Variants in XKR4 observed in about 807,000 individuals in gnomAD.
XKR4 encodes the protein XK-related protein 4.
Under a neutral mutation model 53.9 loss-of-function variants are expected in XKR4, and 12 were observed. The ratio of observed to expected loss-of-function variants is 0.22; its 90% CI spans 0.14 to 0.36. The LOEUF is 0.36. Among genes scored for constraint, XKR4 ranks in the 10% least tolerant of loss-of-function variants. XKR4 has a pLI of 1.00. For missense variants in XKR4, 799 were observed against 859.5 expected (o/e 0.93, Z 0.88); for synonymous variants, 354 against 362.4 (o/e 0.98, Z 0.26).
intron 1 of XKR4, among the ~76,000 whole-genome samples, chr8:55,131,436 T>A (rs1296904626): frequency 6.6e-6 from 1 of 152,240 alleles, no homozygotes; most frequent in Non-Finnish European, 1.5e-5. Context: ...ATGATTACTT[T>A]GTTACACAGT....
At position 55,538,424 on chromosome 8, in the gene XKR4, A is replaced by G. The variant is rs1807059791; in HGVS notation, c.*14197A>G. 6.6e-6 allele frequency: 1 copy of G among 152,248 alleles called. No homozygotes were observed. The highest frequency in any genetic ancestry group is 2.1e-4 in the South Asian group (1 of 4,830). 9.4% of individuals were successfully genotyped at this position (152,248 alleles called of 1,614,324 possible). A position where few individuals can be genotyped will look rare whatever the true frequency, so the allele number is the denominator to read the frequency against. On this transcript the variant is annotated 3_prime_UTR_variant, in exon 3 of 3. Transcript: ENST00000327381. ...GCACGGAGGAAGTGGAGTCTGAGGAATACAACAGCAACAACTCACCAAGCA... is the reference window on the plus strand; with the variant it reads ...GCACGGAGGAAGTGGAGTCTGAGGAGTACAACAGCAACAACTCACCAAGCA...
intron 1 of XKR4, among the ~76,000 whole-genome samples, chr8:55,203,667 G>C (rs1232956842): frequency 6.6e-6 from 1 of 152,116 alleles, no homozygotes; most frequent in African/African-American, 2.4e-5. Context: ...CCACGTCCAG[G>C]CCATACTCAG....
intron 1 of XKR4, among the ~76,000 whole-genome samples, chr8:55,207,077 A>T (rs544738076): frequency 2.0e-4 from 30 of 152,350 alleles, no homozygotes; most frequent in African/African-American, 6.0e-4. Context: ...CAAATTCCCA[A>T]ACTGAAAGCA....
rs185151486 is a variant in XKR4, at chr8:55,301,052, T to A, written c.807-56626T>A. On this transcript the variant is annotated intron_variant, in intron 1 of 2. Coordinates refer to ENST00000327381, the MANE Select transcript of XKR4 (RefSeq NM_052898.2). ...GGTACATGTGCACAATGTGCAGGTT[T>A]GTTACATATGTATACATGTACCATG... Among the ~76,000 whole-genome samples, 229 of 152,154 alleles carry A rather than the reference T, an allele frequency of 1.5e-3. 3 individuals carry two copies. Among genetic ancestry groups the A allele is most frequent in the African/African-American group, 4.9e-3 (205 of 41,512 alleles).
intron 2 of XKR4, among the ~76,000 whole-genome samples, chr8:55,497,028 G>C (rs1049624500): frequency 6.6e-6 from 1 of 152,148 alleles, no homozygotes; most frequent in African/African-American, 2.4e-5. Context: ...TCAATGTCCG[G>C]TAAATACATC....
intron 2 of XKR4, among the ~76,000 whole-genome samples, chr8:55,495,530 G>A (rs1181670433): frequency 3.3e-5 from 5 of 152,166 alleles, no homozygotes; most frequent in Admixed American, 6.5e-5. Flanking sequence ...ACATTGGCAC[G>A]CAGCTCAGCC....
At chr8:55,377,040 T>A (rs1206571402) in intron 2 of XKR4, among the ~76,000 whole-genome samples, 1 of 152,014 alleles carries the variant, frequency 6.6e-6, no homozygotes, top group Non-Finnish European at 1.5e-5. Flanking sequence ...TTTCTCAAGC[T>A]GTAACACAAT....
chr8:55,523,182 T>G, intron 2 of XKR4, 99 bp from the exon 3 acceptor site: 2 of 1,063,938 alleles, frequency 1.9e-6, no homozygotes, highest in South Asian at 3.4e-5. Context: ...TTTGCTGAGG[T>G]CAAAGCCAGC....
chr8:55,109,383 G>A (rs774245375), intron 1 of XKR4, among the ~76,000 whole-genome samples: 10 of 152,180 alleles, frequency 6.6e-5, no homozygotes, highest in African/African-American at 2.2e-4. Flanking sequence ...ATGAATTTTC[G>A]TGCAACACTA....
At chr8:55,398,570 C>T (rs1202326358) in intron 2 of XKR4, among the ~76,000 whole-genome samples, 1 of 152,158 alleles carries the variant, frequency 6.6e-6, no homozygotes, top group African/African-American at 2.4e-5. Flanking sequence ...GCGTGTTCAT[C>T]TTTGCTTGGG....
chr8:55,289,790 A>T (rs1053209033), intron 1 of XKR4, among the ~76,000 whole-genome samples: 4 of 146,848 alleles, frequency 2.7e-5, no homozygotes, highest in African/African-American at 1.0e-4. Flanking sequence ...AGGGAGGGGG[A>T]GAGAGAGAGA....
intron 2 of XKR4, among the ~76,000 whole-genome samples, chr8:55,446,400 G>T (rs1054713102): frequency 3.3e-5 from 5 of 152,080 alleles, no homozygotes; most frequent in Admixed American, 6.6e-5. Context: ...AAATTGCAGT[G>T]GTGCAATCTC....
intron 1 of XKR4, among the ~76,000 whole-genome samples, chr8:55,190,066 C>T (rs1026901492): frequency 2.0e-5 from 3 of 152,204 alleles, no homozygotes; most frequent in Non-Finnish European, 4.4e-5. Context: ...CCACCTGAAA[C>T]ATTGGCTTTA....
intron 1 of XKR4, among the ~76,000 whole-genome samples, chr8:55,192,326 T>C (rs1393252684): frequency 6.6e-6 from 1 of 151,454 alleles, no homozygotes; most frequent in African/African-American, 2.4e-5. Flanking sequence ...AGAAGGGATA[T>C]TTTCCCCCTC....
Position 55,533,428 on chromosome 8 carries a change from C to A in XKR4, c.*9201C>A, listed in dbSNP as rs1246219413. 6.6e-6 allele frequency: 1 copy of A among 152,164 alleles called. No individual in the cohort carries two copies. Among genetic ancestry groups the A allele is most frequent in the Non-Finnish European group, 1.5e-5 (1 of 68,040 alleles). 9.4% of individuals were successfully genotyped at this position (152,164 alleles called of 1,614,324 possible). A position where few individuals can be genotyped will look rare whatever the true frequency, so the allele number is the denominator to read the frequency against. On this transcript the variant is annotated 3_prime_UTR_variant, in exon 3 of 3. Coordinates refer to ENST00000327381, the MANE Select transcript of XKR4 (RefSeq NM_052898.2). The stretch of plus-strand genomic sequence containing the variant: ...ACTTCCCTTATTAACCTTTCTAATG[C>A]ATTGTACATAAAAGAGGAAATGGAT...
chr8:55,185,291 T>C (rs1282303141), intron 1 of XKR4, among the ~76,000 whole-genome samples: 1 of 152,256 alleles, frequency 6.6e-6, no homozygotes, highest in Non-Finnish European at 1.5e-5. Flanking sequence ...TATGTTTCAG[T>C]TGAGAAATCC....
intron 2 of XKR4, among the ~76,000 whole-genome samples, chr8:55,509,282 A>G (rs933420775): frequency 6.6e-6 from 1 of 152,170 alleles, no homozygotes; most frequent in Non-Finnish European, 1.5e-5. Context: ...TTGCTTTAAG[A>G]GGTTGATTTG....
chr8:55,141,671 C>CTCTCTCTCTCTCTCTCTGTG (rs748708972), intron 1 of XKR4, among the ~76,000 whole-genome samples: 19 of 135,294 alleles, frequency 1.4e-4, no homozygotes, highest in East Asian at 8.9e-4. Flanking sequence ...CTCTCTCTCT[C>CTCTCTCTCTCTCTCTCTGTG]TGTGTGTGTG....
rs1816046845 is a variant in XKR4 at position 55,102,082 on chromosome 8, G to T, written c.-407G>T. On this transcript the variant is annotated 5_prime_UTR_variant, in exon 1 of 3. Coordinates refer to ENST00000327381, the MANE Select transcript of XKR4 (RefSeq NM_052898.2). The surrounding 1 kb of genome is among the most constrained non-coding windows in gnomAD (Gnocchi z 5.1). ...GAGAGGAAGCGGGAGGAGGGAGCGC[G>T]CGCGAGGGGAGGAGAGGAATGTGCA... 6.6e-6 allele frequency among the ~76,000 whole-genome samples: 1 copy of T among 151,532 alleles called. No homozygotes were observed. The highest frequency in any genetic ancestry group is 2.4e-5 in the African/African-American group (1 of 41,278).
Sources: allele counts gnomAD v4.1 joint callset (sites outside exome capture counted in the v4.1 genomes callset), GRCh38; gene constraint gnomAD v4.1.1; non-coding constraint Gnocchi (gnomAD v3.1); transcripts MANE v1.5; gene names NCBI Gene and HGNC (gene_info 2026-07-23, HGNC 2026-07-21).